Variants in NRG3 observed in about 807,000 individuals in gnomAD.
NRG3 encodes neuregulin 3, also known as pro-neuregulin-3, membrane-bound isoform.
In NRG3, 31 loss-of-function variants were observed where a neutral mutation model predicts 66.9. The observed-to-expected ratio is 0.46, with a 90% confidence interval of 0.35 to 0.63. The LOEUF (loss-of-function observed/expected upper bound fraction) is 0.63. NRG3 is among the 20% of genes least tolerant of loss of function. The probability of loss-of-function intolerance (pLI) is 0.00; values close to 1 mark genes in which losing one functional copy is unlikely to be tolerated. For missense variants in NRG3, 910 were observed against 878.9 expected (o/e 1.04, Z -0.45); for synonymous variants, 393 against 359.4 (o/e 1.09, Z -1.06).
At chr10:82,796,795 G>C (rs991391919) in intron 3 of NRG3, among the ~76,000 whole-genome samples, 1 of 152,004 alleles carries the variant, frequency 6.6e-6, no homozygotes, top group African/African-American at 2.4e-5. Context: ...AGGAGGAGGA[G>C]GAAGAGAGGA....
At chr10:82,519,838 G>A (rs955125078) in intron 2 of NRG3, among the ~76,000 whole-genome samples, 7 of 152,122 alleles carry the variant, frequency 4.6e-5, no homozygotes, top group Admixed American at 1.3e-4. Flanking sequence ...TTAGTGGCTT[G>A]GTGAAGTCTT....
chr10:82,793,265 T>G lies in NRG3; in HGVS notation c.1027+54615T>G, dbSNP rs114119005. Among the ~76,000 whole-genome samples the G allele has an allele frequency of 6.8e-3, 1,029 of 152,244 alleles. 14 individuals are homozygous for G. The highest frequency in any genetic ancestry group is 0.023 in the African/African-American group (951 of 41,540). On this transcript the variant is annotated intron_variant, in intron 3 of 8. Transcript: ENST00000372141. ...CTCATTTTTGAGTGGGAGTTTGTTGTGTTTCATTTTACTTTTCCTCTCTGT... is the reference window on the plus strand; with the variant it reads ...CTCATTTTTGAGTGGGAGTTTGTTGGGTTTCATTTTACTTTTCCTCTCTGT...
In NRG3 at chr10:82,187,561, C is replaced by G. The variant is rs1195235767; in HGVS notation, c.824-171178C>G. ...TTAATTTAGAGTGAGAAGGATAAAA[C>G]CCAGGATTCGTCACCATCATTTCAA... is the stretch of plus-strand genomic sequence containing the variant. On this transcript the variant is annotated intron_variant, in intron 1 of 8. Coordinates refer to ENST00000372141, the MANE Select transcript of NRG3 (RefSeq NM_001010848.4). Among the ~76,000 whole-genome samples the G allele has an allele frequency of 2.0e-5, 3 of 152,040 alleles. No homozygotes were observed. The East Asian group carries it at 5.8e-4, about 29-fold the overall frequency.
At chr10:82,621,129 A>G (rs940323867) in intron 2 of NRG3, among the ~76,000 whole-genome samples, 1 of 152,126 alleles carries the variant, frequency 6.6e-6, no homozygotes, top group African/African-American at 2.4e-5. Context: ...TTATTATTCA[A>G]TGTGTAAATT....
At chr10:82,028,074 A>G (rs2062398113) in intron 1 of NRG3, among the ~76,000 whole-genome samples, 1 of 152,152 alleles carries the variant, frequency 6.6e-6, no homozygotes, top group African/African-American at 2.4e-5. Flanking sequence ...GAGTAGTAGT[A>G]AGTAGAATAG....
intron 2 of NRG3, among the ~76,000 whole-genome samples, chr10:82,456,010 G>A (rs1385046632): frequency 6.6e-6 from 1 of 151,802 alleles, no homozygotes. Context: ...CTTTTAAATT[G>A]TTTCACTTTT....
At chr10:82,979,356 T>C (rs569934115) in intron 8 of NRG3, among the ~76,000 whole-genome samples, 2 of 152,282 alleles carry the variant, frequency 1.3e-5, no homozygotes, top group Admixed American at 1.3e-4. Context: ...AGAAAGTAAG[T>C]GTAGCTCTCT....
At chr10:82,893,967 A>C (rs1343614241) in intron 4 of NRG3, among the ~76,000 whole-genome samples, 1 of 152,232 alleles carries the variant, frequency 6.6e-6, no homozygotes, top group Admixed American at 6.5e-5. Context: ...GGTTATTAAA[A>C]TGTTACCCTA....
chr10:82,738,100 A>G (rs559854863), intron 2 of NRG3, among the ~76,000 whole-genome samples: 12 of 152,306 alleles, frequency 7.9e-5, no homozygotes, highest in Admixed American at 6.5e-4. Flanking sequence ...AGTAGGACTA[A>G]CAGTGAACAA....
intron 2 of NRG3, among the ~76,000 whole-genome samples, chr10:82,677,210 C>T (rs557420848): frequency 6.6e-6 from 1 of 151,852 alleles, no homozygotes; most frequent in South Asian, 2.1e-4. Context: ...CACCACCACA[C>T]CTGGCTATTT....
chr10:81,997,268 T>A (rs1381850405), intron 1 of NRG3, among the ~76,000 whole-genome samples: 3 of 152,184 alleles, frequency 2.0e-5, no homozygotes, highest in African/African-American at 7.2e-5. Context: ...TGCTTTGGCC[T>A]CCAGCTAAGT....
At chr10:82,272,822 G>A (rs1194133022) in intron 1 of NRG3, among the ~76,000 whole-genome samples, 3 of 151,934 alleles carry the variant, frequency 2.0e-5, no homozygotes, top group Non-Finnish European at 4.4e-5. Context: ...AGATATTAAC[G>A]TAGAGATTTT....
chr10:82,657,716 G>A (rs1181092032), intron 2 of NRG3, among the ~76,000 whole-genome samples: 3 of 151,978 alleles, frequency 2.0e-5, no homozygotes, highest in African/African-American at 7.3e-5. Context: ...CATTCTATAG[G>A]CATTGAAAAG....
At chr10:82,125,384 T>C (rs2068373970) in intron 1 of NRG3, among the ~76,000 whole-genome samples, 1 of 152,052 alleles carries the variant, frequency 6.6e-6, no homozygotes, top group South Asian at 2.1e-4. Context: ...TTTAAATCAT[T>C]CAGTCTATAA....
At chr10:82,758,173 C>T (rs1415664359) in intron 3 of NRG3, among the ~76,000 whole-genome samples, 1 of 152,072 alleles carries the variant, frequency 6.6e-6, no homozygotes, top group Non-Finnish European at 1.5e-5. Flanking sequence ...TTGAGGTTGA[C>T]CTTTATGCTC....
intron 1 of NRG3, among the ~76,000 whole-genome samples, chr10:82,103,237 A>T (rs1324339906): frequency 6.6e-6 from 1 of 152,104 alleles, no homozygotes; most frequent in African/African-American, 2.4e-5. Flanking sequence ...GTAATGTGCC[A>T]TATTTTTGTG....
At chr10:81,877,074 GA>G (rs1841732659) in intron 1 of NRG3, among the ~76,000 whole-genome samples, 2 of 152,190 alleles carry the variant, frequency 1.3e-5, no homozygotes, top group African/African-American at 4.8e-5. Context: ...CAACCGTTTG[GA>G]AACATGTCAC....
At chr10:82,283,219 T>A (rs1281801658) in intron 1 of NRG3, among the ~76,000 whole-genome samples, 1 of 152,130 alleles carries the variant, frequency 6.6e-6, no homozygotes, top group African/African-American at 2.4e-5. Flanking sequence ...TGAAGTGGAA[T>A]CAAATCACTT....
chr10:82,530,135 G>C (rs1847114181), intron 2 of NRG3, among the ~76,000 whole-genome samples: 1 of 152,012 alleles, frequency 6.6e-6, no homozygotes, highest in African/African-American at 2.4e-5. Flanking sequence ...AGTTATAAGA[G>C]TTCAAAATGA....
Sources: gnomAD v4.1 joint callset for allele counts (sites outside exome capture counted in the v4.1 genomes callset) on GRCh38, gnomAD v4.1.1 for gene constraint, MANE v1.5 for transcripts, NCBI Gene and HGNC (gene_info 2026-07-23, HGNC 2026-07-21) for gene names.